DPP6: variants seen among roughly 807,000 people sequenced by gnomAD.
The protein encoded by DPP6 is dipeptidyl peptidase like 6, also known as A-type potassium channel modulatory protein DPP6.
Under a neutral mutation model 122.6 loss-of-function variants are expected in DPP6, and 69 were observed. That is an observed-to-expected ratio of 0.56 (90% CI 0.46 to 0.69). DPP6 has a LOEUF of 0.69. Ranked by LOEUF, DPP6 falls within the 30% of genes least tolerant of loss-of-function variation. The pLI is 0.00. For synonymous variants in DPP6, 418 were observed against 433.1 expected (o/e 0.97, Z 0.43); for missense variants, 928 against 1,116.9 (o/e 0.83, Z 2.41).
chr7:154,719,416 A>G (rs1841680142), intron 7 of DPP6, among the ~76,000 whole-genome samples: 1 of 152,212 alleles, frequency 6.6e-6, no homozygotes, highest in South Asian at 2.1e-4. Flanking sequence ...TGGAACTCAA[A>G]GGGAAAATGA....
intron 1 of DPP6, among the ~76,000 whole-genome samples, chr7:154,082,681 AT>A (rs1224757813): frequency 3.3e-5 from 5 of 151,780 alleles, no homozygotes; most frequent in African/African-American, 1.2e-4. Context: ...AGGCAGCATA[AT>A]GGCTCAGTTT....
chr7:154,553,648 G>C (rs79557504), intron 4 of DPP6, among the ~76,000 whole-genome samples: 5,631 of 152,166 alleles, frequency 0.037, 347 homozygotes, highest in African/African-American at 0.13. Flanking sequence ...GAGAGCTGAA[G>C]TCAGCTTTGT....
chr7:154,054,952 C>G (rs1421541079), intron 1 of DPP6, among the ~76,000 whole-genome samples: 1 of 151,814 alleles, frequency 6.6e-6, no homozygotes, highest in African/African-American at 2.4e-5. Context: ...ACATGTCCTT[C>G]TTTTTATTGT....
At chr7:154,643,854 A>G (rs1021362858) in intron 6 of DPP6, among the ~76,000 whole-genome samples, 1 of 152,194 alleles carries the variant, frequency 6.6e-6, no homozygotes. Flanking sequence ...AGTGAGCCTG[A>G]TAGCTGAGTT....
intron 6 of DPP6, among the ~76,000 whole-genome samples, chr7:154,648,265 T>C (rs1439572775): frequency 7.0e-6 from 1 of 143,250 alleles, no homozygotes; most frequent in African/African-American, 2.7e-5. Flanking sequence ...CAAAACTCTG[T>C]CTAAAAAAAA....
At chr7:154,438,039 G>C (rs553124493) in intron 1 of DPP6, among the ~76,000 whole-genome samples, 1 of 152,258 alleles carries the variant, frequency 6.6e-6, no homozygotes, top group East Asian at 1.9e-4. Context: ...AGAATATGCC[G>C]CAGACACAGG....
chr7:154,892,849 A>G lies in DPP6; in HGVS notation c.*369A>G, dbSNP rs768231065. On this transcript the variant is annotated 3_prime_UTR_variant, in exon 26 of 26. Transcript: ENST00000377770. ...TCCAGCCACCAAGCGGAAGCATGAG[A>G]CCCGCCCACACTAGCCTCTGTGTTC... The G allele has an allele frequency of 3.7e-6, 2 of 540,786 alleles. No homozygotes were observed. Among genetic ancestry groups the G allele is most frequent in the Admixed American group, 3.8e-5 (2 of 52,034 alleles). The allele number at this position is 540,786 out of a possible 1,614,324, so 33.5% of individuals were successfully genotyped here.
chr7:153,985,091 T>G (rs1311667847), intron 1 of DPP6, among the ~76,000 whole-genome samples: 1 of 152,240 alleles, frequency 6.6e-6, no homozygotes, highest in Non-Finnish European at 1.5e-5. Flanking sequence ...CTGCTCGCAG[T>G]GCTGACTGAG....
intron 1 of DPP6, among the ~76,000 whole-genome samples, chr7:154,405,492 C>T (rs1188502434): frequency 6.6e-6 from 1 of 152,110 alleles, no homozygotes; most frequent in African/African-American, 2.4e-5. Context: ...TGTTTGTCGT[C>T]TCTTAAAAAA....
At chr7:153,840,499 C>A in the DPP6 span, among the ~76,000 whole-genome samples, 2 of 149,300 alleles carry the variant, frequency 1.3e-5, no homozygotes. Context: ...AAAAAAAAAA[C>A]TGCTCTGGAT....
intron 5 of DPP6, among the ~76,000 whole-genome samples, chr7:154,634,172 C>T (rs183365097): frequency 9.2e-6 from 1 of 109,160 alleles, no homozygotes; most frequent in East Asian, 3.4e-4. Context: ...TCCCCCCACC[C>T]CACAACAGTC....
chr7:154,788,708 T>C lies in DPP6; in HGVS notation c.1137-5371T>C, dbSNP rs144464800. On this transcript the variant is annotated intron_variant, in intron 10 of 25. Coordinates refer to ENST00000377770, the MANE Select transcript of DPP6 (RefSeq NM_130797.4). ...TTCCCTGGAATGTGGGAAATCCCTT[T>C]TAGTCTTCACATTCGGGTCTTTTTT... 4.9e-4 allele frequency among the ~76,000 whole-genome samples: 74 copies of C among 152,284 alleles called. 1 individual carries two copies. The highest frequency in any genetic ancestry group is 1.7e-3 in the African/African-American group (71 of 41,558).
intron 3 of DPP6, among the ~76,000 whole-genome samples, chr7:154,522,992 C>G (rs987073739): frequency 6.6e-6 from 1 of 152,204 alleles, no homozygotes; most frequent in Non-Finnish European, 1.5e-5. Flanking sequence ...GATCGCCTTC[C>G]TGATCATCCA....
chr7:154,151,748 C>T (rs1796435034), intron 1 of DPP6, among the ~76,000 whole-genome samples: 1 of 151,952 alleles, frequency 6.6e-6, no homozygotes, highest in Admixed American at 6.6e-5. Flanking sequence ...CTCCCCTACC[C>T]CAGGCCACTT....
intron 1 of DPP6, among the ~76,000 whole-genome samples, chr7:154,280,030 G>A (rs943376803): frequency 4.6e-5 from 7 of 152,134 alleles, no homozygotes; most frequent in African/African-American, 1.7e-4. Context: ...AGGACATTTT[G>A]AAAGAAAAGT....
chr7:153,786,780 G>A, the DPP6 span, among the ~76,000 whole-genome samples: 1 of 129,660 alleles, frequency 7.7e-6, no homozygotes, highest in Non-Finnish European at 1.7e-5. Context: ...TACTATTTTG[G>A]CCCATCAGCT....
chr7:154,404,236 A>G, intron 1 of DPP6, among the ~76,000 whole-genome samples: 1 of 152,224 alleles, frequency 6.6e-6, no homozygotes, highest in Non-Finnish European at 1.5e-5. Flanking sequence ...GTACTCAAGG[A>G]GAACACTAAA....
the DPP6 span, among the ~76,000 whole-genome samples, chr7:153,864,005 C>G: frequency 6.6e-6 from 1 of 152,140 alleles, no homozygotes; most frequent in Non-Finnish European, 1.5e-5. Flanking sequence ...GCTACTTACC[C>G]TTTTTGACTA....
chr7:154,646,520 T>TA (rs1009162593), intron 6 of DPP6, among the ~76,000 whole-genome samples: 38 of 152,092 alleles, frequency 2.5e-4, no homozygotes, highest in Admixed American at 3.9e-4. Context: ...CCTCCTTCTC[T>TA]AAAAAAAACC....
Sources: gnomAD v4.1 joint callset for allele counts (sites outside exome capture counted in the v4.1 genomes callset) on GRCh38, gnomAD v4.1.1 for gene constraint, MANE v1.5 for transcripts, NCBI Gene and HGNC (gene_info 2026-07-23, HGNC 2026-07-21) for gene names.